The following GNG4 variants were observed in gnomAD, a reference collection of about 807,000 sequenced individuals.
The protein encoded by GNG4 is G protein subunit gamma 4, also known as guanine nucleotide-binding protein G(I)/G(S)/G(O) subunit gamma-4.
Under a neutral mutation model 5.8 loss-of-function variants are expected in GNG4, and 4 were observed. The ratio of observed to expected loss-of-function variants is 0.69; its 90% CI spans 0.34 to 1.57. The LOEUF is 1.57. Among genes scored for constraint, GNG4 ranks in the 40% most tolerant of loss-of-function variants. The pLI is 0.06. For synonymous variants in GNG4, 29 were observed against 32.9 expected (o/e 0.88, Z 0.41); for missense variants, 96 against 95.1 (o/e 1.01, Z -0.04).
intron 1 of GNG4, among the ~76,000 whole-genome samples, chr1:235,612,017 T>C (rs1237515421): frequency 1.5e-5 from 2 of 130,300 alleles, no homozygotes; most frequent in Admixed American, 1.0e-4. Context: ...TGAGCTGAGA[T>C]TGTGCCACTG....
At chr1:235,590,839 T>C (rs1369985490) in intron 2 of GNG4, among the ~76,000 whole-genome samples, 1 of 152,208 alleles carries the variant, frequency 6.6e-6, no homozygotes, top group Admixed American at 6.5e-5. Flanking sequence ...TCGTGATTCC[T>C]TAGTGTCCAA....
At chr1:235,571,264 A>C (rs1424045408) in intron 3 of GNG4, among the ~76,000 whole-genome samples, 1 of 152,218 alleles carries the variant, frequency 6.6e-6, no homozygotes, top group Non-Finnish European at 1.5e-5. Flanking sequence ...GTATGACATA[A>C]AGGTTGAGAG....
At chr1:235,637,257 T>A in intron 1 of GNG4, among the ~76,000 whole-genome samples, 1 of 151,998 alleles carries the variant, frequency 6.6e-6, no homozygotes, top group East Asian at 1.9e-4. Context: ...TATGCTTACG[T>A]GTCCTTTATT....
intron 3 of GNG4, among the ~76,000 whole-genome samples, chr1:235,567,362 A>T (rs1181637856): frequency 6.6e-6 from 1 of 152,192 alleles, no homozygotes; most frequent in Non-Finnish European, 1.5e-5. Context: ...TTAAGTATAT[A>T]GTTCAGTAGT....
At chr1:235,587,077 G>A (rs908694959) in intron 2 of GNG4, among the ~76,000 whole-genome samples, 8 of 151,802 alleles carry the variant, frequency 5.3e-5, no homozygotes, top group Admixed American at 2.6e-4. Flanking sequence ...CATGGAGCAG[G>A]GCAAAGGGAG....
rs1657584788 is a variant in GNG4, at chr1:235,648,942, C to T, written c.-123+720G>A. ...AATTAAGGAGTCTTTCCCCACCACG[C>T]TCTGTCCTCCTCCCCACTTCACCCT... On this transcript the variant is annotated intron_variant, in intron 1 of 3. Transcript: ENST00000391854. This position sits in a 1 kb window ranked among gnomAD's most constrained non-coding sequence, Gnocchi z 5.0. 6.6e-6 allele frequency among the ~76,000 whole-genome samples: 1 copy of T among 152,256 alleles called. No homozygotes were observed. The highest frequency in any genetic ancestry group is 1.5e-5 in the Non-Finnish European group (1 of 68,048).
In GNG4 at chr1:235,583,768, T is replaced by G; in HGVS notation, c.71A>C (p.Lys24Thr). Residue 24 changes from lysine to threonine, a missense_variant, in exon 3 of 4, where the codon AAG (lysine) becomes ACG (threonine). By Grantham distance (78) the Lys-to-Thr change is moderately conservative. Transcript: ENST00000391854. ...GACCCTGTCCATACAGGCTTCCATC[T>G]TTAGCTGCTCCACAGCTTTCCTGGC... ...SQARKAVEQL[K>T]MEACMDRVKV... The G allele has an allele frequency of 6.2e-7, 1 of 1,613,496 alleles. No homozygotes were observed.
At chr1:235,577,746 G>C (rs1687523886) in intron 3 of GNG4, among the ~76,000 whole-genome samples, 1 of 152,072 alleles carries the variant, frequency 6.6e-6, no homozygotes, top group Non-Finnish European at 1.5e-5. Flanking sequence ...GCCCATCTCA[G>C]TGTTGTCATC....
At chr1:235,566,073 C>G (rs1284498501) in intron 3 of GNG4, 1 of 152,254 alleles carries the variant, frequency 6.6e-6, no homozygotes, top group Non-Finnish European at 1.5e-5. Flanking sequence ...GACCCAGAAA[C>G]TATAACTTGG....
chr1:235,586,412 T>A (rs1480686616), intron 2 of GNG4, among the ~76,000 whole-genome samples: 1 of 152,186 alleles, frequency 6.6e-6, no homozygotes, highest in Non-Finnish European at 1.5e-5. Context: ...GTGTCTGCGT[T>A]GCTGTGTGTC....
At chr1:235,585,094 T>G (rs1687726695) in intron 2 of GNG4, among the ~76,000 whole-genome samples, 1 of 152,068 alleles carries the variant, frequency 6.6e-6, no homozygotes, top group African/African-American at 2.4e-5. Context: ...TTCCTATGCT[T>G]CTTTTTTCTC....
intron 1 of GNG4, among the ~76,000 whole-genome samples, chr1:235,610,083 G>A (rs867710642): frequency 6.6e-6 from 1 of 152,132 alleles, no homozygotes; most frequent in African/African-American, 2.4e-5. Flanking sequence ...TGCCCTGCAC[G>A]GTAGTAAATT....
Position 235,587,627 on chromosome 1 carries a change from G to GT in GNG4, c.-10-3780_-10-3779insA, listed in dbSNP as rs1558486409. 7.9e-3 allele frequency among the ~76,000 whole-genome samples: 117 copies of GT among 14,734 alleles called. 15 individuals carry two copies. The highest frequency in any genetic ancestry group is 0.024 in the African/African-American group (13 of 550). 9.7% of individuals were successfully genotyped at this position (14,734 alleles called of 152,430 possible). On this transcript the variant is annotated intron_variant, in intron 2 of 3. Transcript: ENST00000391854. Reference sequence around the variant, plus strand: ...GGCATGGGGTGGGGTGTGTGAATGTGGGGTGGAGTGTGAGTGTGGGAGGGT... The same window carrying GT: ...GGCATGGGGTGGGGTGTGTGAATGTGTGGGTGGAGTGTGAGTGTGGGAGGGT...
chr1:235,596,935 T>C (rs1184818399), intron 1 of GNG4, among the ~76,000 whole-genome samples: 2 of 151,914 alleles, frequency 1.3e-5, no homozygotes, highest in East Asian at 1.9e-4. Context: ...AGTTTCACTA[T>C]GTTGCCCAGG....
chr1:235,578,233 A>G (rs1457906084), intron 3 of GNG4, among the ~76,000 whole-genome samples: 1 of 152,160 alleles, frequency 6.6e-6, no homozygotes, highest in Non-Finnish European at 1.5e-5. Context: ...GCAAGATATC[A>G]CATCAAACCT....
chr1:235,575,287 C>T (rs117450880), intron 3 of GNG4, among the ~76,000 whole-genome samples: 5 of 152,282 alleles, frequency 3.3e-5, no homozygotes, highest in South Asian at 2.1e-4. Context: ...GGGTCACATC[C>T]GCATAAACCC....
chr1:235,598,507 G>C (rs949539529), intron 1 of GNG4, among the ~76,000 whole-genome samples: 48 of 152,280 alleles, frequency 3.2e-4, no homozygotes, highest in African/African-American at 1.1e-3. Context: ...TATTCAGGAG[G>C]CTGAGGCAGG....
intron 3 of GNG4, among the ~76,000 whole-genome samples, chr1:235,581,124 C>T (rs114461589): frequency 0.056 from 8,468 of 152,174 alleles, 293 homozygotes; most frequent in Middle Eastern, 0.078. Context: ...CCAAATCTCA[C>T]GTCAAATTGT....
chr1:235,591,550 ACTGT>A (rs1397159398), intron 2 of GNG4, among the ~76,000 whole-genome samples: 2 of 152,146 alleles, frequency 1.3e-5, no homozygotes, highest in South Asian at 2.1e-4. Flanking sequence ...CCTTTCTGAG[ACTGT>A]CTGGATGCTA....
Sources: gnomAD v4.1 joint callset for allele counts (sites outside exome capture counted in the v4.1 genomes callset) on GRCh38, gnomAD v4.1.1 for gene constraint, Gnocchi (gnomAD v3.1) non-coding constraint, MANE v1.5 for transcripts, NCBI Gene and HGNC (gene_info 2026-07-23, HGNC 2026-07-21) for gene names.